The following CCDC171 variants were observed in gnomAD, a reference collection of about 807,000 sequenced individuals.
CCDC171 encodes the protein coiled-coil domain containing 171, also known as coiled-coil domain-containing protein 171.
In CCDC171, 177 loss-of-function variants were observed where a neutral mutation model predicts 168.2. The observed-to-expected ratio is 1.05, with a 90% CI of 0.93 to 1.19. CCDC171 has a LOEUF of 1.19. CCDC171 is among the 50% of genes most tolerant of loss of function. CCDC171 has a pLI of 0.00. For missense variants in CCDC171, 1,991 were observed against 1,539.0 expected (o/e 1.29, Z -4.91); for synonymous variants, 687 against 540.8 (o/e 1.27, Z -3.75).
intron 9 of CCDC171, among the ~76,000 whole-genome samples, chr9:15,673,620 T>C (rs1020256755): frequency 3.3e-5 from 5 of 152,304 alleles, no homozygotes; most frequent in African/African-American, 1.2e-4. Flanking sequence ...TGATTTTTGT[T>C]GTTGGTTCTG....
At chr9:15,779,612 A>T (rs898238145) in intron 20 of CCDC171, among the ~76,000 whole-genome samples, 23 of 152,102 alleles carry the variant, frequency 1.5e-4, no homozygotes, top group Non-Finnish European at 1.0e-4. Flanking sequence ...TGCCCACCTC[A>T]GCCTCCCAAA....
At chr9:16,044,521 G>A (rs1833624335) in intron 1 of CCDC171, among the ~76,000 whole-genome samples, 1 of 139,850 alleles carries the variant, frequency 7.2e-6, no homozygotes, top group Non-Finnish European at 1.5e-5. Context: ...AATATAGCCA[G>A]CTATTTAATA....
chr9:15,903,755 T>A (rs888922762), intron 24 of CCDC171, among the ~76,000 whole-genome samples: 1 of 152,122 alleles, frequency 6.6e-6, no homozygotes, highest in Admixed American at 6.6e-5. Context: ...TTCGAACCCA[T>A]GGCAAAGAAG....
At chr9:15,583,138 T>A (rs1047230240) in intron 4 of CCDC171, among the ~76,000 whole-genome samples, 4 of 151,924 alleles carry the variant, frequency 2.6e-5, no homozygotes, top group African/African-American at 7.3e-5. Flanking sequence ...TGGTATAGGC[T>A]GGGCGCGGTG....
At chr9:15,861,011 A>G (rs2061534983) in intron 23 of CCDC171, among the ~76,000 whole-genome samples, 1 of 147,244 alleles carries the variant, frequency 6.8e-6, no homozygotes, top group Admixed American at 6.9e-5. Flanking sequence ...CTCTTATATC[A>G]TTATATAATG....
At chr9:15,809,240 A>G (rs1228277384) in intron 21 of CCDC171, among the ~76,000 whole-genome samples, 2 of 152,208 alleles carry the variant, frequency 1.3e-5, no homozygotes, top group East Asian at 1.9e-4. Context: ...TGTATTTGCA[A>G]TGAATAGTAT....
rs1353536020 is a variant in CCDC171, at chr9:15,623,289, A to G, written c.698A>G (p.Asn233Ser). The G allele has an allele frequency of 6.3e-7, 1 of 1,590,862 alleles. No individual in the cohort carries two copies. Among genetic ancestry groups the G allele is most frequent in the Non-Finnish European group, 8.6e-7 (1 of 1,167,640 alleles). ...IVQEQDTAVQ[N>S]MHKKVEKLET... is the part of the protein sequence containing the mutation. The stretch of plus-strand genomic sequence containing the variant: ...CAGGAGCAAGATACTGCTGTGCAAA[A>G]TATGCATAAGAAAGTAGAAAAATTA... Residue 233 changes from asparagine to serine, a missense_variant, in exon 7 of 26, where the codon AAT becomes AGT. Asn to Ser is a conservative substitution (Grantham distance 46). Coordinates refer to ENST00000380701, the MANE Select transcript of CCDC171 (RefSeq NM_173550.4).
the CCDC171 span, among the ~76,000 whole-genome samples, chr9:16,070,492 G>C: frequency 0.011 from 1,631 of 152,284 alleles, 36 homozygotes; most frequent in African/African-American, 0.037. Flanking sequence ...GTTGGGCCTG[G>C]GGGCCCAGCA....
chr9:15,652,853 T>C (rs2047633429), intron 7 of CCDC171, among the ~76,000 whole-genome samples: 1 of 152,162 alleles, frequency 6.6e-6, no homozygotes, highest in African/African-American at 2.4e-5. Flanking sequence ...GTAAAGAAAA[T>C]TGTTTGGCTT....
the CCDC171 span, among the ~76,000 whole-genome samples, chr9:16,105,488 A>G: frequency 6.6e-6 from 1 of 152,166 alleles, no homozygotes; most frequent in Admixed American, 6.5e-5. Flanking sequence ...ACTGGTCACA[A>G]ATTCAAAGTG....
At chr9:15,714,002 C>G (rs2052889398) in intron 11 of CCDC171, among the ~76,000 whole-genome samples, 1 of 151,930 alleles carries the variant, frequency 6.6e-6, no homozygotes, top group South Asian at 2.1e-4. Flanking sequence ...TAGCTTCATT[C>G]CAATTGCCAG....
chr9:15,899,101 G>A (rs931894290), intron 24 of CCDC171, among the ~76,000 whole-genome samples: 7 of 152,126 alleles, frequency 4.6e-5, no homozygotes, highest in African/African-American at 1.7e-4. Flanking sequence ...TTTTCACTCA[G>A]TGTAATGCTC....
At chr9:15,711,564 C>G (rs1356621136) in intron 11 of CCDC171, among the ~76,000 whole-genome samples, 1 of 152,060 alleles carries the variant, frequency 6.6e-6, no homozygotes, top group Admixed American at 6.5e-5. Context: ...CTGTGAAGAT[C>G]AAGTGTGCAT....
At chr9:15,863,786 G>T (rs751592747) in intron 23 of CCDC171, among the ~76,000 whole-genome samples, 1 of 151,562 alleles carries the variant, frequency 6.6e-6, no homozygotes, top group African/African-American at 2.4e-5. Context: ...TTCTTTTTTC[G>T]TGGCATACAC....
chr9:15,916,414 G>A (rs552603260), intron 24 of CCDC171, among the ~76,000 whole-genome samples: 6 of 99,094 alleles, frequency 6.1e-5, no homozygotes, highest in African/African-American at 1.5e-4. Flanking sequence ...ATATATTTAC[G>A]TAAGATATAG....
intron 5 of CCDC171, among the ~76,000 whole-genome samples, chr9:15,593,175 A>G (rs565825580): frequency 7.2e-5 from 11 of 152,088 alleles, no homozygotes; most frequent in East Asian, 1.9e-4. Flanking sequence ...CTTTCTTTCT[A>G]TAAGTTAGGA....
At chr9:15,726,826 A>C (rs115903630) in intron 14 of CCDC171, among the ~76,000 whole-genome samples, 4,115 of 152,186 alleles carry the variant, frequency 0.027, 210 homozygotes, top group African/African-American at 0.094. Flanking sequence ...ATCTATTAAA[A>C]AATCTTGAGG....
Position 15,564,163 on chromosome 9 carries a change from C to T in CCDC171, c.41+34C>T, listed in dbSNP as rs374762063. 3.6e-5 allele frequency: 55 copies of T among 1,536,852 alleles called. No individual in the cohort carries two copies. The African/African-American group carries it at 4.0e-4, about 11-fold the overall frequency. ...CTAGTCTCTTCTTTTAGTTGATGAA[C>T]GTTTTTAGTTGCAAGGAACAGGGAG... On this transcript the variant is annotated intron_variant, in intron 2 of 25. Transcript: ENST00000380701.
intron 4 of CCDC171, among the ~76,000 whole-genome samples, chr9:15,583,640 T>A (rs981415194): frequency 5.9e-5 from 9 of 151,940 alleles, no homozygotes; most frequent in African/African-American, 1.9e-4. Context: ...AAGGACGGGA[T>A]GGGGGTGAGG....
Sources: allele counts gnomAD v4.1 joint callset (sites outside exome capture counted in the v4.1 genomes callset), GRCh38; gene constraint gnomAD v4.1.1; transcripts MANE v1.5; gene names NCBI Gene and HGNC (gene_info 2026-07-23, HGNC 2026-07-21).